B3GALT1: variants seen among roughly 807,000 people sequenced by gnomAD.
The protein encoded by B3GALT1 is beta-1,3-galactosyltransferase 1.
A neutral mutation model predicts 23.2 loss-of-function variants in B3GALT1; 10 were observed. The observed-to-expected ratio is 0.43, with a 90% CI of 0.27 to 0.73. The LOEUF (loss-of-function observed/expected upper bound fraction) is 0.73. Among genes scored for constraint, B3GALT1 ranks in the 30% least tolerant of loss-of-function variants. The pLI is 0.21. For synonymous variants in B3GALT1, 156 were observed against 141.5 expected, an observed-to-expected ratio of 1.10 and a Z score of -0.73; for missense variants, 299 against 405.4, an observed-to-expected ratio of 0.74 and a Z score of 2.25.
At chr2:167,858,344 TA>T (rs77883366) in intron 4 of B3GALT1, among the ~76,000 whole-genome samples, 1,803 of 68,980 alleles carry the variant, frequency 0.026, 26 homozygotes, top group East Asian at 0.16. Context: ...AAGAGCGAAG[TA>T]AAAAAAAAAA....
chr2:167,671,217 G>A (rs1000537463), intron 3 of B3GALT1, among the ~76,000 whole-genome samples: 1 of 151,830 alleles, frequency 6.6e-6, no homozygotes, highest in Admixed American at 6.6e-5. Flanking sequence ...TAGTATTAGG[G>A]GACTTTAATA....
chr2:167,677,094 G>A (rs964024165), intron 3 of B3GALT1, among the ~76,000 whole-genome samples: 1 of 152,110 alleles, frequency 6.6e-6, no homozygotes, highest in Non-Finnish European at 1.5e-5. Context: ...AAAAGGGGGT[G>A]TAGGTCAATT....
At chr2:167,571,435 G>A (rs1684291341) in intron 2 of B3GALT1, among the ~76,000 whole-genome samples, 1 of 151,764 alleles carries the variant, frequency 6.6e-6, no homozygotes, top group Non-Finnish European at 1.5e-5. Context: ...AGCAAATTGA[G>A]GATTATACTC....
intron 4 of B3GALT1, among the ~76,000 whole-genome samples, chr2:167,856,119 T>C (rs1689995423): frequency 6.6e-6 from 1 of 152,164 alleles, no homozygotes; most frequent in Non-Finnish European, 1.5e-5. Context: ...GAACAAAAAC[T>C]ACAGAATTGT....
In B3GALT1 at chr2:167,574,514, T is replaced by C. The variant is rs1404756151; in HGVS notation, c.-409-72395T>C. On this transcript the variant is annotated intron_variant, in intron 2 of 4. Coordinates refer to ENST00000392690, the MANE Select transcript of B3GALT1 (RefSeq NM_020981.4). ...ATGATGTGGTAATTGTACATTAACA[T>C]GTTTGAAAAAGAAATGAAGGGACTA... Among the ~76,000 whole-genome samples, 3 of 151,810 alleles carry C rather than the reference T, an allele frequency of 2.0e-5. No homozygotes were observed. The East Asian group carries it at 5.8e-4, about 29-fold the overall frequency.
At chr2:167,614,156 C>T (rs928648375) in intron 2 of B3GALT1, among the ~76,000 whole-genome samples, 2 of 150,732 alleles carry the variant, frequency 1.3e-5, no homozygotes, top group Admixed American at 6.6e-5. Flanking sequence ...CTAAGGAAAA[C>T]GTAAGTAAAT....
intron 4 of B3GALT1, among the ~76,000 whole-genome samples, chr2:167,859,497 C>T (rs1027786157): frequency 3.3e-5 from 5 of 152,158 alleles, no homozygotes; most frequent in Non-Finnish European, 7.4e-5. Context: ...GGCCCACACA[C>T]ACAAAGACAT....
chr2:167,714,433 T>G, intron 3 of B3GALT1: 1 of 1,576,742 alleles, frequency 6.3e-7, no homozygotes, highest in Admixed American at 1.7e-5. Flanking sequence ...AGAGTCTGAG[T>G]GGATCCTCCA....
intron 2 of B3GALT1, among the ~76,000 whole-genome samples, chr2:167,521,918 AG>A (rs752939557): frequency 4.5e-4 from 67 of 149,736 alleles, no homozygotes; most frequent in Non-Finnish European, 8.9e-4. Context: ...GTAGACACAA[AG>A]CAATATTAAC....
intron 1 of B3GALT1, among the ~76,000 whole-genome samples, chr2:167,340,094 A>T (rs946323830): frequency 6.6e-6 from 1 of 152,176 alleles, no homozygotes; most frequent in African/African-American, 2.4e-5. Context: ...TCTTGCATGT[A>T]TGCACTGTTC....
chr2:167,415,269 G>C (rs1186041183), intron 1 of B3GALT1, among the ~76,000 whole-genome samples: 1 of 152,134 alleles, frequency 6.6e-6, no homozygotes, highest in Non-Finnish European at 1.5e-5. Flanking sequence ...GAGGAAGAGA[G>C]ACCTGAGCTA....
intron 2 of B3GALT1, among the ~76,000 whole-genome samples, chr2:167,513,152 G>A (rs1251767071): frequency 6.7e-6 from 1 of 148,894 alleles, no homozygotes; most frequent in Admixed American, 6.7e-5. Context: ...ACTCAGGGAA[G>A]TTAAATGACA....
At chr2:167,311,183 A>G (rs1455726280) in intron 1 of B3GALT1, among the ~76,000 whole-genome samples, 1 of 152,118 alleles carries the variant, frequency 6.6e-6, no homozygotes, top group Non-Finnish European at 1.5e-5. Flanking sequence ...GAGAGGAGAT[A>G]TATGCTATAG....
rs1689059883 is a variant in B3GALT1 at position 167,819,308 on chromosome 2, T to TTCAA, written c.-230+519_-230+522dup. Among the ~76,000 whole-genome samples the TTCAA allele has an allele frequency of 2.0e-5, 3 of 152,354 alleles. No individual in the cohort carries two copies. The South Asian group carries it at 6.2e-4, about 32-fold the overall frequency. ...AAACTCATCCCACAGGCAATTGTGCTTCAATCATTTCTTACTTCAGTTGAA... is the reference window on the plus strand; with the variant it reads ...AAACTCATCCCACAGGCAATTGTGCTTCAATCAATCATTTCTTACTTCAGTTGAA... On this transcript the variant is annotated intron_variant, in intron 4 of 4. Coordinates refer to ENST00000392690, the MANE Select transcript of B3GALT1 (RefSeq NM_020981.4).
intron 3 of B3GALT1, among the ~76,000 whole-genome samples, chr2:167,699,290 G>A (rs1686837474): frequency 2.6e-5 from 4 of 151,452 alleles, no homozygotes; most frequent in Admixed American, 2.6e-4. Flanking sequence ...ATAAAGATAG[G>A]TTTGTAAACA....
chr2:167,795,353 G>A (rs1261476492), intron 3 of B3GALT1, among the ~76,000 whole-genome samples: 1 of 152,126 alleles, frequency 6.6e-6, no homozygotes, highest in East Asian at 1.9e-4. Flanking sequence ...GGTCCCTTTT[G>A]AAAATTTTAA....
intron 2 of B3GALT1, among the ~76,000 whole-genome samples, chr2:167,601,054 CGTTT>C (rs112358987): frequency 7.6e-4 from 115 of 151,922 alleles, no homozygotes; most frequent in Non-Finnish European, 1.2e-3. Context: ...CTAGATCCTC[CGTTT>C]GTTTGTTTGT....
intron 3 of B3GALT1, among the ~76,000 whole-genome samples, chr2:167,738,308 G>A (rs1426694955): frequency 6.6e-6 from 1 of 152,138 alleles, no homozygotes; most frequent in East Asian, 1.9e-4. Flanking sequence ...AATCTTTCTT[G>A]GTTAAATGTC....
chr2:167,724,211 C>T (rs1265475686), intron 3 of B3GALT1, among the ~76,000 whole-genome samples: 1 of 152,106 alleles, frequency 6.6e-6, no homozygotes, highest in African/African-American at 2.4e-5. Context: ...ATTGTAATGC[C>T]CATCAATATT....
Sources: gnomAD v4.1 joint callset for allele counts (sites outside exome capture counted in the v4.1 genomes callset) on GRCh38, gnomAD v4.1.1 for gene constraint, MANE v1.5 for transcripts, NCBI Gene and HGNC (gene_info 2026-07-23, HGNC 2026-07-21) for gene names.